USP7: variants seen among roughly 807,000 people sequenced by gnomAD.
The protein encoded by USP7 is ubiquitin C-terminal hydrolase 7.
A neutral mutation model predicts 162.9 loss-of-function variants in USP7; 9 were observed. That is an observed-to-expected ratio of 0.06 (90% CI 0.03 to 0.10). The LOEUF (loss-of-function observed/expected upper bound fraction) is 0.10, where lower values mean the gene tolerates loss of function less well. Ranked by LOEUF, USP7 falls within the 10% of genes least tolerant of loss-of-function variation. The probability of loss-of-function intolerance (pLI) is 1.00; values close to 1 mark genes in which losing one functional copy is unlikely to be tolerated. For synonymous variants in USP7, 562 were observed against 475.9 expected, an observed-to-expected ratio of 1.18 and a Z score of -2.35; for missense variants, 715 against 1,373.7, an observed-to-expected ratio of 0.52 and a Z score of 7.58.
chr16:8,899,219 G>C, intron 22 of USP7, 31 bp from the exon 23 acceptor site: 1 of 1,610,608 alleles, frequency 6.2e-7, no homozygotes, highest in Non-Finnish European at 8.5e-7. Flanking sequence ...TTCACATTTT[G>C]GGGAAAAATT....
In USP7 at chr16:8,893,878, T is replaced by A. The variant is rs991920400; in HGVS notation, c.*120A>T. On this transcript the variant is annotated 3_prime_UTR_variant, in exon 31 of 31. Coordinates refer to ENST00000344836, the MANE Select transcript of USP7 (RefSeq NM_003470.3). ...CTGAACAGCCTCAATAAAATAAAAT[T>A]AACACCAGCAGCGAATCCTCTTGCT... The A allele has an allele frequency of 7.1e-6, 6 of 847,112 alleles. No homozygotes were observed. The highest frequency in any genetic ancestry group is 6.3e-5 in the Admixed American group (3 of 47,630). 52.5% of individuals were successfully genotyped at this position (847,112 alleles called of 1,614,324 possible).
At chr16:8,957,939 A>G (rs1292906358) in intron 1 of USP7, among the ~76,000 whole-genome samples, 2 of 152,216 alleles carry the variant, frequency 1.3e-5, no homozygotes, top group Admixed American at 1.3e-4. Context: ...GTTAAAAGCA[A>G]TAAAACTGAA....
chr16:8,905,379 G>T, intron 13 of USP7, 48 bp from the exon 14 acceptor site: 1 of 1,601,460 alleles, frequency 6.2e-7, no homozygotes, highest in East Asian at 2.2e-5. Context: ...ACTGTGACAA[G>T]TACCCAACAC....
intron 25 of USP7, among the ~76,000 whole-genome samples, chr16:8,897,746 T>TATATATATATATATATAA (rs71155416): frequency 3.4e-4 from 35 of 102,990 alleles, no homozygotes; most frequent in African/African-American, 1.4e-3. Context: ...TATATATATA[T>TATATATATATATATATAA]AAATGAGTTG....
At chr16:8,899,298 C>A in intron 22 of USP7, 110 bp from the exon 23 acceptor site, 1 of 1,076,038 alleles carries the variant, frequency 9.3e-7, no homozygotes, top group South Asian at 1.4e-5. Context: ...TTTAAATTCC[C>A]TAGAAATTTA....
chr16:8,947,102 A>G (rs1899318307), intron 1 of USP7, among the ~76,000 whole-genome samples: 1 of 152,186 alleles, frequency 6.6e-6, no homozygotes, highest in African/African-American at 2.4e-5. Context: ...TTTTTTCAGT[A>G]TATCTCTGTA....
At chr16:8,930,785 A>G (rs954431042) in intron 1 of USP7, among the ~76,000 whole-genome samples, 2 of 152,186 alleles carry the variant, frequency 1.3e-5, no homozygotes, top group African/African-American at 4.8e-5. Flanking sequence ...GCTGGCCAAC[A>G]TGGTGAAACC....
intron 1 of USP7, among the ~76,000 whole-genome samples, chr16:8,933,319 G>A (rs1037140051): frequency 6.6e-6 from 1 of 152,050 alleles, no homozygotes; most frequent in Non-Finnish European, 1.5e-5. Flanking sequence ...GGCCAAGACG[G>A]GACGATCACA....
intron 2 of USP7, among the ~76,000 whole-genome samples, chr16:8,926,010 C>G (rs938882838): frequency 2.0e-5 from 3 of 151,812 alleles, no homozygotes; most frequent in African/African-American, 7.3e-5. Context: ...AAAAATTAGC[C>G]GGGTGCAGAG....
intron 18 of USP7, chr16:8,901,860 C>G: frequency 5.3e-6 from 3 of 564,558 alleles, no homozygotes; most frequent in Non-Finnish European, 9.5e-6. Flanking sequence ...GAAGACAGAA[C>G]AGGACGGCCC....
intron 5 of USP7, 146 bp downstream of exon 5, chr16:8,920,213 C>T (rs978738332): frequency 1.7e-5 from 11 of 655,920 alleles, no homozygotes; most frequent in Non-Finnish European, 2.6e-5. Context: ...GAGTGTCAAG[C>T]AGGTGTGACT....
In USP7 at chr16:8,892,732, A is replaced by T. The variant is rs978656623; in HGVS notation, c.*1266T>A. ...AGGTTTCCCAGGCCTGTTTCCAGGG[A>T]GAGTAGAAATCTTCCTCCACTTCCA... On this transcript the variant is annotated 3_prime_UTR_variant, in exon 31 of 31. Transcript: ENST00000344836. 6.6e-6 allele frequency: 1 copy of T among 152,140 alleles called. No individual in the cohort carries two copies. Among genetic ancestry groups the T allele is most frequent in the East Asian group, 1.9e-4 (1 of 5,194 alleles). 9.4% of individuals were successfully genotyped at this position (152,140 alleles called of 1,614,324 possible).
rs2061632808 is a variant in USP7, at chr16:8,893,441, C to T, written c.*557G>A. 6.5e-6 allele frequency: 1 copy of T among 154,206 alleles called. No homozygotes were observed. Among genetic ancestry groups the T allele is most frequent in the Non-Finnish European group, 1.4e-5 (1 of 69,320 alleles). The allele number at this position is 154,206 out of a possible 1,614,324, so 9.6% of individuals were successfully genotyped here. ...GGTGAGACAAGTTTATTAAAAAGCC[C>T]CCAGGCAGCTGGAGGAGGAGAACCC... On this transcript the variant is annotated 3_prime_UTR_variant, in exon 31 of 31. Coordinates refer to ENST00000344836, the MANE Select transcript of USP7 (RefSeq NM_003470.3).
At position 8,904,483 on chromosome 16, in the gene USP7, A is replaced by G. The variant is rs779387106; in HGVS notation, c.1656T>C (p.Ala552=). The part of the protein sequence containing the change: ...ERLQEEKRIE[A]QKRKERQEAH... Reference sequence around the variant, plus strand: ...CTTCCTGCCGCTCCTTCCGCTTCTGAGCCTCGATCCTTTTCTCTTCTTGTA... The same window carrying G: ...CTTCCTGCCGCTCCTTCCGCTTCTGGGCCTCGATCCTTTTCTCTTCTTGTA... Residue 552 remains alanine (A), a synonymous_variant, in exon 15 of 31, where the codon GCT becomes GCC. Transcript: ENST00000344836. 1.9e-5 allele frequency: 31 copies of G among 1,614,006 alleles called. No individual in the cohort carries two copies. The highest frequency in any genetic ancestry group is 2.5e-5 in the Non-Finnish European group (29 of 1,180,042).
Position 8,923,346 on chromosome 16 carries a change from C to G in USP7, c.252G>C (p.Ser84=), listed in dbSNP as rs376640584. 6 of 1,614,036 alleles carry G rather than the reference C, an allele frequency of 3.7e-6. No individual in the cohort carries two copies. The highest frequency in any genetic ancestry group is 5.1e-6 in the Non-Finnish European group (6 of 1,180,046). ...GCACAAAACACGGAGGGCTAAGGAC[C>G]GACTCACTCAGTCTGCTGAAGCGCT... ...TVERFSRLSE[S]VLSPPCFVRN... is the part of the protein sequence containing the mutation. The change falls in exon 3 of 31, where the codon TCG becomes TCC. Residue 84 remains serine, a synonymous_variant. Coordinates refer to ENST00000344836, the MANE Select transcript of USP7 (RefSeq NM_003470.3).
intron 5 of USP7, 49 bp downstream of exon 5, chr16:8,920,310 T>G: frequency 6.6e-7 from 1 of 1,511,522 alleles, no homozygotes. Flanking sequence ...CTTCTTTCAC[T>G]GCAGCACAAA....
At chr16:8,902,222 C>G in intron 17 of USP7, 35 bp from the exon 18 acceptor site, 1 of 1,608,686 alleles carries the variant, frequency 6.2e-7, no homozygotes, top group Non-Finnish European at 8.5e-7. Context: ...TTAGAAGAGT[C>G]TAATGGCTTA....
chr16:8,939,035 C>A (rs1367295631), intron 1 of USP7, among the ~76,000 whole-genome samples: 5 of 152,188 alleles, frequency 3.3e-5, no homozygotes, highest in African/African-American at 1.2e-4. Flanking sequence ...CCTTACAGCA[C>A]CACTTTGCAA....
intron 1 of USP7, among the ~76,000 whole-genome samples, chr16:8,938,077 G>C (rs1898849909): frequency 6.6e-6 from 1 of 152,140 alleles, no homozygotes; most frequent in African/African-American, 2.4e-5. Flanking sequence ...CACCAGACCA[G>C]GGTCACAGCT....
Sources: gnomAD v4.1 joint callset for allele counts (sites outside exome capture counted in the v4.1 genomes callset) on GRCh38, gnomAD v4.1.1 for gene constraint, MANE v1.5 for transcripts, NCBI Gene and HGNC (gene_info 2026-07-23, HGNC 2026-07-21) for gene names.